The following RETREG1 variants were observed in gnomAD, a reference collection of about 807,000 sequenced individuals.
The protein encoded by RETREG1 is reticulophagy regulator 1, also known as family with sequence similarity 134 member B.
RETREG1 carries 44 observed loss-of-function variants against 54.8 expected under a neutral mutation model. The observed-to-expected ratio is 0.80, with a 90% confidence interval of 0.63 to 1.03. The LOEUF is 1.03. Ranked by LOEUF, RETREG1 falls within the 50% of genes least tolerant of loss-of-function variation. The pLI is 0.00. For synonymous variants in RETREG1, 217 were observed against 238.5 expected (o/e 0.91, Z 0.83); for missense variants, 554 against 605.1 (o/e 0.92, Z 0.89).
At chr5:16,614,249 G>GA (rs5866194) in intron 1 of RETREG1, among the ~76,000 whole-genome samples, 122,925 of 152,190 alleles carry the variant, frequency 0.81, 49,813 homozygotes, top group South Asian at 0.88. Context: ...AAACATCATA[G>GA]AAAAAAGTTT....
intron 3 of RETREG1, among the ~76,000 whole-genome samples, chr5:16,491,099 G>A (rs551917546): frequency 1.3e-5 from 2 of 152,206 alleles, no homozygotes; most frequent in African/African-American, 4.8e-5. Context: ...AGCTCTCCCT[G>A]TGTGCCAGGC....
At position 16,564,213 on chromosome 5, in the gene RETREG1, G is replaced by C. The variant is rs114822268; in HGVS notation, c.458+1550C>G. ...CTATCAGTAAAGAAAATTATTGCCT[G>C]TGCATAATTGCAATTTAAAATAATT... On this transcript the variant is annotated intron_variant, in intron 3 of 8. Coordinates refer to ENST00000306320, the MANE Select transcript of RETREG1 (RefSeq NM_001034850.3). Among the ~76,000 whole-genome samples the C allele has an allele frequency of 4.9e-3, 739 of 152,224 alleles. 8 individuals carry two copies. The highest frequency in any genetic ancestry group is 0.017 in the African/African-American group (690 of 41,526).
At position 16,474,697 on chromosome 5, in the gene RETREG1, T is replaced by TTTTTTTTTTTTTTTTTTTTC; in HGVS notation, c.*43_*44insGAAAAAAAAAAAAAAAAAAA. 1 of 1,537,750 alleles carries TTTTTTTTTTTTTTTTTTTTC rather than the reference T, an allele frequency of 6.5e-7. No homozygotes were observed. Among genetic ancestry groups the TTTTTTTTTTTTTTTTTTTTC allele is most frequent in the Non-Finnish European group, 8.7e-7 (1 of 1,144,422 alleles). On this transcript the variant is annotated 3_prime_UTR_variant, in exon 9 of 9. Transcript: ENST00000306320. ...TTTTTTTTTTTTTTCTTGTTTGAAATTTTTTTGGTGTTTTTTGTGCTCTGT... is the reference window on the plus strand; with the variant it reads ...TTTTTTTTTTTTTTCTTGTTTGAAATTTTTTTTTTTTTTTTTTTTCTTTTTTGGTGTTTTTTGTGCTCTGT...
rs1036718373 is a variant in RETREG1, at chr5:16,561,512, T to C, written c.458+4251A>G. On this transcript the variant is annotated intron_variant, in intron 3 of 8. Coordinates refer to ENST00000306320, the MANE Select transcript of RETREG1 (RefSeq NM_001034850.3). This position sits in a 1 kb window ranked among gnomAD's most constrained non-coding sequence, Gnocchi z 4.2. ...ACTCCGTCTCAAAAAATAATAATAA[T>C]AAAATAAATAAAATAAAATAAAATA... is the stretch of plus-strand genomic sequence containing the variant. Among the ~76,000 whole-genome samples the C allele has an allele frequency of 1.3e-5, 2 of 151,380 alleles. No homozygotes were observed. Among genetic ancestry groups the C allele is most frequent in the Non-Finnish European group, 2.9e-5 (2 of 67,848 alleles).
chr5:16,573,014 C>A (rs991653580), intron 1 of RETREG1, among the ~76,000 whole-genome samples: 2 of 151,856 alleles, frequency 1.3e-5, no homozygotes, highest in Non-Finnish European at 2.9e-5. Flanking sequence ...GAAACCCCGT[C>A]TCTACTAAAA....
chr5:16,594,460 C>T lies in RETREG1; in HGVS notation c.320+22192G>A, dbSNP rs1029924201. Among the ~76,000 whole-genome samples the T allele has an allele frequency of 6.6e-6, 1 of 152,114 alleles. No homozygotes were observed. The highest frequency in any genetic ancestry group is 1.5e-5 in the Non-Finnish European group (1 of 68,028). On this transcript the variant is annotated intron_variant, in intron 1 of 8. Transcript: ENST00000306320. This position sits in a 1 kb window ranked among gnomAD's most constrained non-coding sequence, Gnocchi z 4.4. ...CATTTTTCAGTTGGGCGTGGTGGCTCACACCTATAATCCGTGCACTTTGAG... is the reference window on the plus strand; with the variant it reads ...CATTTTTCAGTTGGGCGTGGTGGCTTACACCTATAATCCGTGCACTTTGAG...
Position 16,517,874 on chromosome 5 carries a change from A to G in RETREG1, c.459-34402T>C, listed in dbSNP as rs549845897. On this transcript the variant is annotated intron_variant, in intron 3 of 8. Transcript: ENST00000306320. ...ATATAAGCATTCTTTGCAACAGCCA[A>G]TAAATGAAAACAACCTAGAGGTCTA... Among the ~76,000 whole-genome samples, 4 of 152,262 alleles carry G rather than the reference A, an allele frequency of 2.6e-5. 1 individual carries two copies. Among genetic ancestry groups the G allele is most frequent in the African/African-American group, 9.6e-5 (4 of 41,558 alleles).
At position 16,475,070 on chromosome 5, in the gene RETREG1, CTT is replaced by C. The variant is rs779730695; in HGVS notation, c.1163_1164del (p.Lys388ArgfsTer15). 1 of 1,613,954 alleles carries C rather than the reference CTT, an allele frequency of 6.2e-7. No individual in the cohort carries two copies. Among genetic ancestry groups the C allele is most frequent in the South Asian group, 1.1e-5 (1 of 91,082 alleles). The stretch of plus-strand genomic sequence containing the variant: ...GTGAGACCAGCTGCTGATTGCGTCT[CTT>C]TGCTTGGTCTGTGACCACTGTCCAA... ...EQLDSGHRPS[K>X]ETQSAAGLTL... On this transcript the variant is annotated frameshift_variant, in exon 9 of 9. Coordinates refer to ENST00000306320, the MANE Select transcript of RETREG1 (RefSeq NM_001034850.3). LOFTEE classifies it high-confidence loss of function.
intron 3 of RETREG1, among the ~76,000 whole-genome samples, chr5:16,563,265 TGTTATTTTTTAA>T (rs1741917969): frequency 6.6e-6 from 1 of 152,190 alleles, no homozygotes; most frequent in East Asian, 1.9e-4. Context: ...ATTTATTTTA[TGTTATTTTTTAA>T]GACAAGGTCT....
Position 16,585,954 on chromosome 5 carries a change from C to G in RETREG1, c.321-13852G>C, listed in dbSNP as rs567418565. ...CCAAACACCTCCCACCACACCCCAC[C>G]TCCAACACTGGGGATCACATTGCAG... On this transcript the variant is annotated intron_variant, in intron 1 of 8. Coordinates refer to ENST00000306320, the MANE Select transcript of RETREG1 (RefSeq NM_001034850.3). The surrounding 1 kb of genome is among the most constrained non-coding windows in gnomAD (Gnocchi z 4.5). 6.5e-4 allele frequency among the ~76,000 whole-genome samples: 99 copies of G among 152,296 alleles called. No homozygotes were observed. The highest frequency in any genetic ancestry group is 2.4e-3 in the African/African-American group (98 of 41,566).
intron 1 of RETREG1, among the ~76,000 whole-genome samples, chr5:16,608,207 C>T (rs1008177364): frequency 2.6e-5 from 4 of 152,134 alleles, no homozygotes; most frequent in African/African-American, 4.8e-5. Context: ...AATAGCCCCA[C>T]CTTATTCACC....
rs567475517 is a variant in RETREG1, at chr5:16,489,082, C to CAAAAA, written c.459-5615_459-5611dup. 1.8e-3 allele frequency among the ~76,000 whole-genome samples: 115 copies of CAAAAA among 62,972 alleles called. 7 individuals carry two copies. The highest frequency in any genetic ancestry group is 2.9e-3 in the Non-Finnish European group (101 of 35,302). The allele number at this position is 62,972 out of a possible 152,430, so 41.3% of individuals were successfully genotyped here. On this transcript the variant is annotated intron_variant, in intron 3 of 8. Coordinates refer to ENST00000306320, the MANE Select transcript of RETREG1 (RefSeq NM_001034850.3). ...TGGGCAACAGAGCGAGATTCTGTCT[C>CAAAAA]AAAAAAAAAAAAAAAAAAAAAAAAA...
At position 16,604,643 on chromosome 5, in the gene RETREG1, G is replaced by A. The variant is rs77376686; in HGVS notation, c.320+12009C>T. 5.4e-3 allele frequency among the ~76,000 whole-genome samples: 823 copies of A among 152,198 alleles called. 4 individuals are homozygous for A. The highest frequency in any genetic ancestry group is 0.018 in the African/African-American group (758 of 41,516). Reference sequence around the variant, plus strand: ...TCTGGTGAGTGTCTGGGAAGAGATGGGAGGCCAGCCTCCCGTGGGTGGCTC... The same window carrying A: ...TCTGGTGAGTGTCTGGGAAGAGATGAGAGGCCAGCCTCCCGTGGGTGGCTC... On this transcript the variant is annotated intron_variant, in intron 1 of 8. Coordinates refer to ENST00000306320, the MANE Select transcript of RETREG1 (RefSeq NM_001034850.3).
chr5:16,498,001 C>A (rs1739538855), intron 3 of RETREG1, among the ~76,000 whole-genome samples: 1 of 152,186 alleles, frequency 6.6e-6, no homozygotes, highest in African/African-American at 2.4e-5. Context: ...CTTGTTTCAG[C>A]AAGCAAGTCA....
chr5:16,526,479 A>G (rs1740719854), intron 3 of RETREG1, among the ~76,000 whole-genome samples: 1 of 152,228 alleles, frequency 6.6e-6, no homozygotes, highest in African/African-American at 2.4e-5. Context: ...GGTGGACTCA[A>G]AAAGAGATGT....
At chr5:16,493,427 T>A (rs1178768258) in intron 3 of RETREG1, among the ~76,000 whole-genome samples, 1 of 152,238 alleles carries the variant, frequency 6.6e-6, no homozygotes, top group Admixed American at 6.5e-5. Flanking sequence ...TGCAGGAGAT[T>A]CAACACCCTT....
chr5:16,502,294 A>C (rs1739751050), intron 3 of RETREG1, among the ~76,000 whole-genome samples: 1 of 152,104 alleles, frequency 6.6e-6, no homozygotes, highest in African/African-American at 2.4e-5. Context: ...GTTAGTTGTA[A>C]ATTAAAGCCC....
rs570746878 is a variant in RETREG1, at chr5:16,542,478, A to G, written c.458+23285T>C. 3.3e-5 allele frequency among the ~76,000 whole-genome samples: 5 copies of G among 151,612 alleles called. No homozygotes were observed. The East Asian group carries it at 5.8e-4, about 18-fold the overall frequency. ...GTTTTCCTCCAACCAACGATAGTCAATAGAACCTGTTTTCCTCCAACCAAC... is the reference window on the plus strand; with the variant it reads ...GTTTTCCTCCAACCAACGATAGTCAGTAGAACCTGTTTTCCTCCAACCAAC... On this transcript the variant is annotated intron_variant, in intron 3 of 8. Transcript: ENST00000306320.
At chr5:16,504,057 C>T (rs574379273) in intron 3 of RETREG1, among the ~76,000 whole-genome samples, 1 of 152,170 alleles carries the variant, frequency 6.6e-6, no homozygotes, top group Non-Finnish European at 1.5e-5. Context: ...CTCCCTCCCC[C>T]CAACCCATCC....
Sources: gnomAD v4.1 joint callset for allele counts (sites outside exome capture counted in the v4.1 genomes callset) on GRCh38, gnomAD v4.1.1 for gene constraint, Gnocchi (gnomAD v3.1) non-coding constraint, MANE v1.5 for transcripts, NCBI Gene and HGNC (gene_info 2026-07-23, HGNC 2026-07-21) for gene names.